CDK17: variants seen among roughly 807,000 people sequenced by gnomAD.
CDK17 encodes cyclin-dependent kinase 17.
CDK17 carries 24 observed loss-of-function variants against 77.6 expected under a neutral mutation model. The observed-to-expected ratio is 0.31, with a 90% CI of 0.22 to 0.44. CDK17 has a LOEUF of 0.44. CDK17 is among the 20% of genes least tolerant of loss of function. The pLI is 1.00. For synonymous variants in CDK17, 203 were observed against 210.4 expected, an observed-to-expected ratio of 0.96 and a Z score of 0.30; for missense variants, 429 against 622.5, an observed-to-expected ratio of 0.69 and a Z score of 3.31.
intron 1 of CDK17, among the ~76,000 whole-genome samples, chr12:96,378,811 T>C (rs1442427975): frequency 1.3e-5 from 2 of 152,140 alleles, no homozygotes; most frequent in Admixed American, 6.5e-5. Flanking sequence ...TATCTAGATA[T>C]GGAAAGATCT....
intron 1 of CDK17, among the ~76,000 whole-genome samples, chr12:96,336,603 A>G (rs1263398703): frequency 6.6e-6 from 1 of 152,224 alleles, no homozygotes; most frequent in African/African-American, 2.4e-5. Context: ...AAAATAAGAG[A>G]CATACTTTGG....
At chr12:96,391,194 C>T (rs377671314) in intron 1 of CDK17, among the ~76,000 whole-genome samples, 17 of 152,186 alleles carry the variant, frequency 1.1e-4, no homozygotes, top group African/African-American at 3.9e-4. Context: ...CAATTCTGCA[C>T]TGCAGTAAGC....
intron 3 of CDK17, among the ~76,000 whole-genome samples, chr12:96,322,442 G>A (rs1952834105): frequency 6.6e-6 from 1 of 151,098 alleles, no homozygotes; most frequent in South Asian, 2.1e-4. Context: ...ATATGCAATG[G>A]AGACTGTATG....
chr12:96,324,108 A>G lies in CDK17; in HGVS notation c.123T>C (p.Pro41=). The G allele has an allele frequency of 1.2e-6, 2 of 1,607,406 alleles. No individual in the cohort carries two copies. Among genetic ancestry groups the G allele is most frequent in the Non-Finnish European group, 1.7e-6 (2 of 1,176,812 alleles). ...IEENSSKDNE[P]IVKNGRPPTS... ...TTGGAGGCCTGCCATTCTTCACAAT[A>G]GGCTCTGTGGTTCATAGAATTCGAA... Residue 41 remains proline, a synonymous_variant, in exon 3 of 17, where the codon CCT becomes CCC. Transcript: ENST00000261211.
intron 2 of CDK17, among the ~76,000 whole-genome samples, chr12:96,332,802 A>G (rs567475449): frequency 1.3e-5 from 2 of 152,352 alleles, no homozygotes; most frequent in African/African-American, 4.8e-5. Flanking sequence ...CTGTAATAAA[A>G]TAAGTTTTAA....
At chr12:96,312,971 G>A (rs1046737682) in intron 4 of CDK17, among the ~76,000 whole-genome samples, 6 of 152,040 alleles carry the variant, frequency 3.9e-5, no homozygotes, top group South Asian at 2.1e-4. Flanking sequence ...CATTAAAATC[G>A]TATTTTCTAA....
intron 1 of CDK17, among the ~76,000 whole-genome samples, chr12:96,361,797 A>G (rs1953497068): frequency 1.3e-5 from 2 of 152,238 alleles, no homozygotes. Flanking sequence ...CTAGATGGAA[A>G]ATTGGCATTT....
chr12:96,348,969 C>G (rs556106455), intron 1 of CDK17, among the ~76,000 whole-genome samples: 2 of 152,246 alleles, frequency 1.3e-5, no homozygotes, highest in South Asian at 4.1e-4. Context: ...ACCCTGACAC[C>G]AAAGCCAAAC....
At chr12:96,353,128 A>T (rs1463299769) in intron 1 of CDK17, among the ~76,000 whole-genome samples, 2 of 152,218 alleles carry the variant, frequency 1.3e-5, no homozygotes, top group East Asian at 3.8e-4. Flanking sequence ...AATATCAATG[A>T]CACTTTTAAC....
At chr12:96,365,466 C>T (rs1409394425) in intron 1 of CDK17, among the ~76,000 whole-genome samples, 1 of 152,006 alleles carries the variant, frequency 6.6e-6, no homozygotes, top group Non-Finnish European at 1.5e-5. Context: ...CTGTGTGTTC[C>T]TTCACTAACC....
At chr12:96,330,139 T>G (rs1952947081) in intron 2 of CDK17, among the ~76,000 whole-genome samples, 1 of 152,192 alleles carries the variant, frequency 6.6e-6, no homozygotes, top group African/African-American at 2.4e-5. Flanking sequence ...TTGTCACCTA[T>G]TCTCATCAAA....
chr12:96,304,268 G>A (rs1952547384), intron 5 of CDK17, among the ~76,000 whole-genome samples: 2 of 152,192 alleles, frequency 1.3e-5, no homozygotes, highest in South Asian at 4.1e-4. Flanking sequence ...GCCGGGCACG[G>A]TGGCTCATGC....
chr12:96,384,077 A>G (rs185403539), intron 1 of CDK17, among the ~76,000 whole-genome samples: 1 of 152,314 alleles, frequency 6.6e-6, no homozygotes, highest in Admixed American at 6.5e-5. Flanking sequence ...AAATCCCATT[A>G]AGAAGTAGAC....
chr12:96,356,135 A>C (rs549768530), intron 1 of CDK17, among the ~76,000 whole-genome samples: 1 of 152,224 alleles, frequency 6.6e-6, no homozygotes, highest in African/African-American at 2.4e-5. Context: ...GGGAGGTGTT[A>C]TATCATTTTC....
chr12:96,379,051 A>T (rs1953833459), intron 1 of CDK17, among the ~76,000 whole-genome samples: 1 of 152,222 alleles, frequency 6.6e-6, no homozygotes, highest in South Asian at 2.1e-4. Flanking sequence ...TTCAAATACT[A>T]AGAAAGAAAA....
intron 1 of CDK17, among the ~76,000 whole-genome samples, chr12:96,375,128 T>C (rs1055623785): frequency 3.9e-5 from 6 of 152,208 alleles, no homozygotes; most frequent in Middle Eastern, 3.2e-3. Context: ...CCATACAGTG[T>C]GCCTGTGTGT....
intron 1 of CDK17, among the ~76,000 whole-genome samples, chr12:96,371,860 A>C (rs778546822): frequency 6.6e-6 from 1 of 152,198 alleles, no homozygotes; most frequent in African/African-American, 2.4e-5. Context: ...TAAACTGCAA[A>C]TCTCACAAAA....
intron 6 of CDK17, 25 bp from the exon 7 acceptor site, chr12:96,299,008 G>T (rs370882856): frequency 7.8e-6 from 9 of 1,152,722 alleles, no homozygotes; most frequent in Non-Finnish European, 1.2e-5. Flanking sequence ...TTTAAAGGAC[G>T]CATCAAAAGT....
chr12:96,324,906 A>G (rs1345261563), intron 2 of CDK17, among the ~76,000 whole-genome samples: 2 of 152,228 alleles, frequency 1.3e-5, no homozygotes, highest in South Asian at 2.1e-4. Flanking sequence ...ACCTAAATAC[A>G]TATCAATACA....
Sources: gnomAD v4.1 joint callset for allele counts (sites outside exome capture counted in the v4.1 genomes callset) on GRCh38, gnomAD v4.1.1 for gene constraint, MANE v1.5 for transcripts, NCBI Gene and HGNC (gene_info 2026-07-23, HGNC 2026-07-21) for gene names.